FAM193A: variants seen among roughly 807,000 people sequenced by gnomAD.
The protein encoded by FAM193A is protein FAM193A.
A neutral mutation model predicts 126.5 loss-of-function variants in FAM193A; 22 were observed. The observed-to-expected ratio is 0.17, with a 90% CI of 0.12 to 0.25. FAM193A has a LOEUF of 0.25. FAM193A is among the 10% of genes least tolerant of loss of function. FAM193A has a pLI of 1.00. For missense variants in FAM193A, 1,675 were observed against 1,672.8 expected, an observed-to-expected ratio of 1.00 and a Z score of -0.02; for synonymous variants, 761 against 646.8, an observed-to-expected ratio of 1.18 and a Z score of -2.68.
intron 15 of FAM193A, 85 bp downstream of exon 15, chr4:2,691,055 A>G: frequency 7.8e-7 from 1 of 1,287,752 alleles, no homozygotes; most frequent in Non-Finnish European, 1.1e-6. Context: ...CATCTTTGTA[A>G]CTGCCTTTTA....
At chr4:2,646,609 G>C in intron 6 of FAM193A, 76 bp from the exon 7 acceptor site, 1 of 1,437,590 alleles carries the variant, frequency 7.0e-7, no homozygotes, top group South Asian at 1.4e-5. Flanking sequence ...GATAGTATCA[G>C]CAGGAAGCAC....
chr4:2,573,122 T>C (rs1386481006), intron 1 of FAM193A, among the ~76,000 whole-genome samples: 1 of 152,154 alleles, frequency 6.6e-6, no homozygotes, highest in Non-Finnish European at 1.5e-5. Flanking sequence ...TCTTCCTTTT[T>C]TTCCCGCCTC....
At chr4:2,572,777 A>ATTT (rs533532132) in intron 1 of FAM193A, among the ~76,000 whole-genome samples, 38 of 135,926 alleles carry the variant, frequency 2.8e-4, no homozygotes, top group African/African-American at 7.3e-4. Flanking sequence ...CAGAGGAGGA[A>ATTT]TTTTTTTTTT....
chr4:2,650,749 C>T (rs1745581030), intron 7 of FAM193A, among the ~76,000 whole-genome samples: 2 of 152,256 alleles, frequency 1.3e-5, no homozygotes, highest in South Asian at 4.1e-4. Flanking sequence ...TGAAACCTCC[C>T]AAGTGCATAG....
At chr4:2,655,046 G>A in intron 7 of FAM193A, 1 of 669,142 alleles carries the variant, frequency 1.5e-6, no homozygotes, top group Admixed American at 2.2e-5. Context: ...CCCTTTTTTT[G>A]GCTTCCACTA....
At position 2,687,220 on chromosome 4, in the gene FAM193A, A is replaced by C. The variant is rs117954836; in HGVS notation, c.2332-2286A>C. On this transcript the variant is annotated intron_variant, in intron 13 of 20. Transcript: ENST00000637812. Reference sequence around the variant, plus strand: ...GGTGGAAAGGTTTGGTCGGTTGGTCAGGTGTTTTGTGTCCAGGGACTCTAT... The same window carrying C: ...GGTGGAAAGGTTTGGTCGGTTGGTCCGGTGTTTTGTGTCCAGGGACTCTAT... Among the ~76,000 whole-genome samples the C allele has an allele frequency of 1.1e-3, 167 of 152,284 alleles. 3 individuals carry two copies. In the East Asian group the frequency reaches 0.023, roughly 21 times the overall value.
intron 20 of FAM193A, among the ~76,000 whole-genome samples, chr4:2,717,976 A>G (rs978936657): frequency 6.6e-6 from 1 of 152,212 alleles, no homozygotes; most frequent in Non-Finnish European, 1.5e-5. Flanking sequence ...TTAAATACAC[A>G]GAACTAAAAA....
At chr4:2,718,195 A>G (rs916884716) in intron 20 of FAM193A, among the ~76,000 whole-genome samples, 5 of 152,174 alleles carry the variant, frequency 3.3e-5, no homozygotes, top group Non-Finnish European at 5.9e-5. Flanking sequence ...ATAATGAAAT[A>G]GAAAACAAAG....
chr4:2,686,423 C>T (rs911481149), intron 13 of FAM193A, among the ~76,000 whole-genome samples: 1 of 152,170 alleles, frequency 6.6e-6, no homozygotes, highest in Non-Finnish European at 1.5e-5. Context: ...CTTGGCCCCT[C>T]TTTTCAAAGA....
intron 1 of FAM193A, among the ~76,000 whole-genome samples, chr4:2,566,522 T>C (rs1159135047): frequency 6.6e-6 from 1 of 151,970 alleles, no homozygotes; most frequent in Non-Finnish European, 1.5e-5. Flanking sequence ...AAACCCTGTC[T>C]CTACTAAAAA....
intron 2 of FAM193A, among the ~76,000 whole-genome samples, chr4:2,597,723 T>C (rs1263507679): frequency 2.0e-5 from 3 of 152,208 alleles, no homozygotes; most frequent in African/African-American, 4.8e-5. Flanking sequence ...TCAGCCTCTT[T>C]GTTGGAGCTG....
At chr4:2,728,441 T>G (rs1721001431) in intron 20 of FAM193A, among the ~76,000 whole-genome samples, 1 of 152,032 alleles carries the variant, frequency 6.6e-6, no homozygotes, top group African/African-American at 2.4e-5. Flanking sequence ...TATTTTCCTG[T>G]CTCTTTAAAT....
intron 12 of FAM193A, among the ~76,000 whole-genome samples, chr4:2,664,339 C>T (rs934850133): frequency 3.3e-5 from 5 of 151,992 alleles, no homozygotes; most frequent in African/African-American, 9.7e-5. Context: ...GTCAGAAGTA[C>T]CCTATTGAAT....
intron 2 of FAM193A, among the ~76,000 whole-genome samples, chr4:2,606,677 A>G (rs748854498): frequency 5.9e-5 from 9 of 152,152 alleles, no homozygotes; most frequent in Non-Finnish European, 1.2e-4. Flanking sequence ...GTTATTTGTA[A>G]AGTATTGGTT....
intron 19 of FAM193A, among the ~76,000 whole-genome samples, chr4:2,710,951 A>T (rs1354852589): frequency 6.8e-6 from 1 of 146,192 alleles, no homozygotes; most frequent in African/African-American, 2.6e-5. Context: ...TCCCGGGTTC[A>T]TGCCATTCTC....
chr4:2,656,321 T>C (rs550688459), intron 7 of FAM193A, among the ~76,000 whole-genome samples: 2 of 152,346 alleles, frequency 1.3e-5, no homozygotes, highest in South Asian at 4.1e-4. Context: ...ACTATAGATC[T>C]TGTCTGCCTT....
At chr4:2,570,296 T>C (rs1739214793) in intron 1 of FAM193A, among the ~76,000 whole-genome samples, 1 of 152,132 alleles carries the variant, frequency 6.6e-6, no homozygotes, top group Non-Finnish European at 1.5e-5. Flanking sequence ...TGTGTTCAGA[T>C]ATCTTCTGTT....
intron 20 of FAM193A, among the ~76,000 whole-genome samples, chr4:2,729,472 T>C (rs535104180): frequency 1.3e-5 from 2 of 152,328 alleles, no homozygotes; most frequent in South Asian, 4.1e-4. Context: ...GTTGCCCACT[T>C]GGCCTCTTCC....
At chr4:2,599,561 T>C (rs548162970) in intron 2 of FAM193A, among the ~76,000 whole-genome samples, 7 of 152,208 alleles carry the variant, frequency 4.6e-5, no homozygotes, top group Non-Finnish European at 1.0e-4. Context: ...TCTTAACATC[T>C]TGCCTGACAG....
Sources: allele counts gnomAD v4.1 joint callset (sites outside exome capture counted in the v4.1 genomes callset), GRCh38; gene constraint gnomAD v4.1.1; transcripts MANE v1.5; gene names NCBI Gene and HGNC (gene_info 2026-07-23, HGNC 2026-07-21).